SCHIP1: variants seen among roughly 807,000 people sequenced by gnomAD.
The protein encoded by SCHIP1 is schwannomin-interacting protein 1.
Under a neutral mutation model 29.7 loss-of-function variants are expected in SCHIP1, and 8 were observed. The ratio of observed to expected loss-of-function variants is 0.27; its 90% CI spans 0.16 to 0.49. The LOEUF is 0.49. SCHIP1 is among the 20% of genes least tolerant of loss of function. The probability of loss-of-function intolerance (pLI) is 0.99; values close to 1 mark genes in which losing one functional copy is unlikely to be tolerated. For missense variants in SCHIP1, 193 were observed against 294.6 expected (o/e 0.66, Z 2.52); for synonymous variants, 76 against 94.9 (o/e 0.80, Z 1.16).
chr3:159,652,071 G>A, the SCHIP1 span, among the ~76,000 whole-genome samples: 3 of 151,652 alleles, frequency 2.0e-5, no homozygotes, highest in African/African-American at 7.3e-5. Flanking sequence ...ACTCTAGCCT[G>A]ATGGAGTGAT....
At chr3:159,414,015 GA>G in the SCHIP1 span, among the ~76,000 whole-genome samples, 5 of 152,232 alleles carry the variant, frequency 3.3e-5, no homozygotes, top group Non-Finnish European at 5.9e-5. Context: ...TACTCTTTCT[GA>G]AGAGCAATCT....
At chr3:159,298,094 G>C in the SCHIP1 span, among the ~76,000 whole-genome samples, 1 of 152,148 alleles carries the variant, frequency 6.6e-6, no homozygotes, top group African/African-American at 2.4e-5. Context: ...AGAGTGCCTG[G>C]CACATGGCCA....
the SCHIP1 span, among the ~76,000 whole-genome samples, chr3:159,828,262 A>G: frequency 1.3e-5 from 2 of 151,120 alleles, no homozygotes; most frequent in Non-Finnish European, 2.9e-5. Context: ...AGTCAAGTCC[A>G]GAACCAGGTC....
the SCHIP1 span, among the ~76,000 whole-genome samples, chr3:159,521,965 A>G: frequency 3.3e-5 from 5 of 152,238 alleles, no homozygotes; most frequent in Non-Finnish European, 5.9e-5. Context: ...TCAAACTGCA[A>G]TAAGCTTACT....
At chr3:159,432,335 TGTGTGAGA>T in the SCHIP1 span, among the ~76,000 whole-genome samples, 295 of 85,834 alleles carry the variant, frequency 3.4e-3, 1 homozygote, top group Middle Eastern at 6.5e-3. Context: ...TGTGTGTGTG[TGTGTGAGA>T]GAGAGAGAGA....
rs1435184586 is a variant in SCHIP1 at position 159,861,227 on chromosome 3, C to T, written c.31-4936C>T. On this transcript the variant is annotated intron_variant, in intron 1 of 6. Coordinates refer to ENST00000445224, the Ensembl canonical transcript of SCHIP1. The surrounding 1 kb of genome is among the most constrained non-coding windows in gnomAD (Gnocchi z 4.1). ...GTGGGCTGGGCCAGAGGCAGGAAGG[C>T]AGAACCTGGGGAGGGGATGCAGGAA... Among the ~76,000 whole-genome samples the T allele has an allele frequency of 6.6e-6, 1 of 151,882 alleles. No homozygotes were observed. The highest frequency in any genetic ancestry group is 1.5e-5 in the Non-Finnish European group (1 of 68,010).
At chr3:159,349,770 A>G in the SCHIP1 span, among the ~76,000 whole-genome samples, 1 of 152,298 alleles carries the variant, frequency 6.6e-6, no homozygotes, top group South Asian at 2.1e-4. Flanking sequence ...CGGGGTTTGC[A>G]TCTCTGAACC....
the SCHIP1 span, among the ~76,000 whole-genome samples, chr3:159,762,306 G>A: frequency 6.6e-6 from 1 of 152,210 alleles, no homozygotes; most frequent in Non-Finnish European, 1.5e-5. Context: ...GCTTCCAGAG[G>A]AGTTGAAAGG....
chr3:159,558,806 T>A, the SCHIP1 span, among the ~76,000 whole-genome samples: 1,600 of 152,260 alleles, frequency 0.011, 26 homozygotes, highest in African/African-American at 0.037. Context: ...CATTCAGTCT[T>A]ATTTGCTACC....
the SCHIP1 span, among the ~76,000 whole-genome samples, chr3:159,702,826 T>C: frequency 2.6e-5 from 4 of 152,230 alleles, no homozygotes; most frequent in African/African-American, 9.6e-5. Flanking sequence ...TTCAAAACTT[T>C]AAAATATTTT....
the SCHIP1 span, among the ~76,000 whole-genome samples, chr3:159,641,456 T>C: frequency 2.0e-5 from 3 of 152,190 alleles, no homozygotes; most frequent in African/African-American, 7.2e-5. Context: ...GTTATGCTCT[T>C]AAATTTTAGC....
intron 1 of SCHIP1, among the ~76,000 whole-genome samples, chr3:159,857,336 ATCT>A: frequency 6.6e-6 from 1 of 152,138 alleles, no homozygotes; most frequent in African/African-American, 2.4e-5. Context: ...TGTCATGGTC[ATCT>A]TCTACAGCAC....
chr3:159,578,190 A>G, the SCHIP1 span, among the ~76,000 whole-genome samples: 1 of 152,276 alleles, frequency 6.6e-6, no homozygotes, highest in Middle Eastern at 3.4e-3. Flanking sequence ...GTTATACTAG[A>G]ATAATCTGCA....
the SCHIP1 span, among the ~76,000 whole-genome samples, chr3:159,737,639 A>G: frequency 6.6e-6 from 1 of 152,258 alleles, no homozygotes; most frequent in Non-Finnish European, 1.5e-5. Flanking sequence ...GTATCATTAA[A>G]CAGAAAGAGG....
the SCHIP1 span, among the ~76,000 whole-genome samples, chr3:159,828,361 TTA>T: frequency 0.14 from 14,061 of 101,472 alleles, 1,536 homozygotes; most frequent in East Asian, 0.24. Flanking sequence ...AGTGTAACCT[TTA>T]TATATATATA....
chr3:159,588,224 G>C, the SCHIP1 span, among the ~76,000 whole-genome samples: 1 of 152,162 alleles, frequency 6.6e-6, no homozygotes, highest in South Asian at 2.1e-4. Context: ...GGCCAGTGAT[G>C]ATGAGCATTT....
chr3:159,528,358 T>C, the SCHIP1 span, among the ~76,000 whole-genome samples: 1 of 152,150 alleles, frequency 6.6e-6, no homozygotes, highest in African/African-American at 2.4e-5. Context: ...TAGCCTTCCA[T>C]GAAGGGAAAA....
the SCHIP1 span, among the ~76,000 whole-genome samples, chr3:159,494,437 A>G: frequency 6.6e-6 from 1 of 152,228 alleles, no homozygotes; most frequent in South Asian, 2.1e-4. Flanking sequence ...CACCGATCCC[A>G]CAGAAATACA....
At chr3:159,791,032 A>T in the SCHIP1 span, among the ~76,000 whole-genome samples, 1 of 152,150 alleles carries the variant, frequency 6.6e-6, no homozygotes, top group African/African-American at 2.4e-5. Flanking sequence ...GTCTGGGCGG[A>T]CCCCTCACAC....
Sources: gnomAD v4.1 joint callset for allele counts (sites outside exome capture counted in the v4.1 genomes callset) on GRCh38, gnomAD v4.1.1 for gene constraint, Gnocchi (gnomAD v3.1) non-coding constraint, MANE v1.5 for transcripts, NCBI Gene and HGNC (gene_info 2026-07-23, HGNC 2026-07-21) for gene names.